The following INPP5D variants were observed in gnomAD, a reference collection of about 807,000 sequenced individuals.
The protein encoded by INPP5D is phosphatidylinositol 3,4,5-trisphosphate 5-phosphatase 1.
Under a neutral mutation model 122.9 loss-of-function variants are expected in INPP5D, and 33 were observed. The observed-to-expected ratio is 0.27, with a 90% CI of 0.20 to 0.36. The LOEUF (loss-of-function observed/expected upper bound fraction) is 0.36, where lower values mean the gene tolerates loss of function less well. INPP5D is among the 10% of genes least tolerant of loss of function. INPP5D has a pLI of 1.00. For synonymous variants in INPP5D, 584 were observed against 576.2 expected (o/e 1.01, Z -0.19); for missense variants, 1,053 against 1,412.7 (o/e 0.75, Z 4.08).
Position 233,206,936 on chromosome 2 carries a change from C to G in INPP5D, c.*228C>G. On this transcript the variant is annotated 3_prime_UTR_variant, in exon 27 of 27. Coordinates refer to ENST00000445964, the MANE Select transcript of INPP5D (RefSeq NM_001017915.3). This position sits in a 1 kb window ranked among gnomAD's most constrained non-coding sequence, Gnocchi z 4.0. ...AAACGCACACCAGACGGGCAACAAA[C>G]AGTCTGGGTCCCCAGCTCGCTCTTG... is the stretch of plus-strand genomic sequence containing the variant. 1.9e-6 allele frequency: 1 copy of G among 525,734 alleles called. No individual in the cohort carries two copies. The highest frequency in any genetic ancestry group is 2.2e-5 in the South Asian group (1 of 45,918). The allele number at this position is 525,734 out of a possible 1,614,324, so 32.6% of individuals were successfully genotyped here.
At chr2:233,096,779 C>T (rs950925612) in intron 2 of INPP5D, among the ~76,000 whole-genome samples, 7 of 151,878 alleles carry the variant, frequency 4.6e-5, no homozygotes, top group African/African-American at 1.7e-4. Context: ...TTTAAAAACC[C>T]TTTATATGTT....
intron 9 of INPP5D, among the ~76,000 whole-genome samples, chr2:233,152,889 T>G (rs1438811586): frequency 6.6e-6 from 1 of 151,938 alleles, no homozygotes; most frequent in African/African-American, 2.4e-5. Flanking sequence ...TGATTCCACT[T>G]CAAAAAGATA....
chr2:233,198,347 G>T lies in INPP5D; in HGVS notation c.2946G>T (p.Arg982=). The T allele has an allele frequency of 1.2e-6, 2 of 1,613,544 alleles. No individual in the cohort carries two copies. Among genetic ancestry groups the T allele is most frequent in the Non-Finnish European group, 1.7e-6 (2 of 1,179,680 alleles). ...AGTTTTTACCCTCAACAGCAAACCG[G>T]GGTCTCCCTCCCAGGACACAGGAGT... ...PKKFLPSTAN[R]GLPPRTQESR... is the part of the protein sequence containing the mutation. The change falls in exon 25 of 27, where the codon CGG becomes CGT. Residue 982 remains arginine, a synonymous_variant. Transcript: ENST00000445964.
At chr2:233,150,156 A>T (rs956611913) in intron 9 of INPP5D, among the ~76,000 whole-genome samples, 1 of 152,168 alleles carries the variant, frequency 6.6e-6, no homozygotes, top group South Asian at 2.1e-4. Flanking sequence ...CTGTGTCCCC[A>T]CCCAAATCTC....
chr2:233,111,550 C>T (rs943148389), intron 2 of INPP5D, among the ~76,000 whole-genome samples: 8 of 152,106 alleles, frequency 5.3e-5, no homozygotes, highest in Non-Finnish European at 4.4e-5. Flanking sequence ...TGTCCCTGTC[C>T]CTCAATTTTG....
intron 5 of INPP5D, among the ~76,000 whole-genome samples, chr2:233,138,275 C>T (rs1322430228): frequency 1.4e-5 from 2 of 144,726 alleles, no homozygotes; most frequent in South Asian, 4.3e-4. Flanking sequence ...CCACTGCACT[C>T]CAGCCTGGGC....
chr2:233,062,809 C>G (rs905126624), intron 1 of INPP5D, among the ~76,000 whole-genome samples: 2 of 152,146 alleles, frequency 1.3e-5, no homozygotes, highest in African/African-American at 4.8e-5. Context: ...TTGCTATGGA[C>G]CTGCAGACTT....
In INPP5D at chr2:233,204,358, C is replaced by A; in HGVS notation, c.3208C>A (p.Arg1070Ser). 6.2e-7 allele frequency: 1 copy of A among 1,610,178 alleles called. No homozygotes were observed. Among genetic ancestry groups the A allele is most frequent in the East Asian group, 2.2e-5 (1 of 44,786 alleles). ...IVLTKAQEAD[R>S]GEGPGKQVPA... Reference sequence around the variant, plus strand: ...GCTCACCAAAGCCCAGGAGGCTGATCGCGGCGAGGGGCCCGGCAAGCAGGT... The same window carrying A: ...GCTCACCAAAGCCCAGGAGGCTGATAGCGGCGAGGGGCCCGGCAAGCAGGT... Residue 1070 changes from arginine to serine, a missense_variant, in exon 26 of 27, where the codon CGC becomes AGC. Transcript: ENST00000445964.
At chr2:233,063,834 C>T (rs1691138867) in intron 1 of INPP5D, among the ~76,000 whole-genome samples, 1 of 152,264 alleles carries the variant, frequency 6.6e-6, no homozygotes, top group Non-Finnish European at 1.5e-5. Flanking sequence ...CACCTGGTCC[C>T]CACTCAAATC....
At chr2:233,200,913 G>A (rs2106327947) in intron 25 of INPP5D, among the ~76,000 whole-genome samples, 1 of 151,838 alleles carries the variant, frequency 6.6e-6, no homozygotes, top group South Asian at 2.1e-4. Flanking sequence ...GTGAGCTGAG[G>A]TCATGCCACT....
chr2:233,204,995 C>T (rs929359947), intron 26 of INPP5D: 7 of 440,490 alleles, frequency 1.6e-5, no homozygotes, highest in Non-Finnish European at 2.4e-5. Flanking sequence ...AAAGGCGGGG[C>T]TGTGGATAAA....
chr2:233,106,379 T>C (rs956444392), intron 2 of INPP5D, among the ~76,000 whole-genome samples: 3 of 152,246 alleles, frequency 2.0e-5, no homozygotes, highest in African/African-American at 7.2e-5. Flanking sequence ...TCCTTTCTTA[T>C]GGCAGATTGC....
At chr2:233,175,786 G>A (rs1171267480) in intron 17 of INPP5D, among the ~76,000 whole-genome samples, 1 of 151,778 alleles carries the variant, frequency 6.6e-6, no homozygotes, top group Non-Finnish European at 1.5e-5. Context: ...GGGTTCAAGC[G>A]ATTCTCCTGC....
At chr2:233,155,037 A>G (rs138935419) in intron 9 of INPP5D, among the ~76,000 whole-genome samples, 1 of 152,188 alleles carries the variant, frequency 6.6e-6, no homozygotes, top group African/African-American at 2.4e-5. Context: ...GAGAGATCAG[A>G]TTCTACAGAT....
At position 233,206,223 on chromosome 2, in the gene INPP5D, G is replaced by A. The variant is rs1031249142; in HGVS notation, c.3568-483G>A. 3.3e-5 allele frequency among the ~76,000 whole-genome samples: 5 copies of A among 152,028 alleles called. No individual in the cohort carries two copies. Among genetic ancestry groups the A allele is most frequent in the African/African-American group, 1.2e-4 (5 of 41,382 alleles). On this transcript the variant is annotated intron_variant, in intron 26 of 26. Transcript: ENST00000445964. The surrounding 1 kb of genome is among the most constrained non-coding windows in gnomAD (Gnocchi z 4.0). ...ATAGACTTAGAAGGAGAATTGCATT[G>A]TAGGCTATTATGTATTATTACCATG...
intron 17 of INPP5D, among the ~76,000 whole-genome samples, chr2:233,173,410 C>CT (rs1010760760): frequency 6.6e-6 from 1 of 152,030 alleles, no homozygotes; most frequent in African/African-American, 2.4e-5. Flanking sequence ...TTTAAATTTT[C>CT]TTTTTCCAAT....
At chr2:233,129,823 T>C (rs184152752) in intron 4 of INPP5D, among the ~76,000 whole-genome samples, 1 of 152,202 alleles carries the variant, frequency 6.6e-6, no homozygotes, top group Non-Finnish European at 1.5e-5. Context: ...ATCCTATCTT[T>C]ATAAGTAGAT....
intron 21 of INPP5D, among the ~76,000 whole-genome samples, chr2:233,187,195 A>G (rs928212669): frequency 2.0e-5 from 3 of 151,736 alleles, no homozygotes; most frequent in Admixed American, 6.6e-5. Context: ...TTTTTTGTTC[A>G]TTTGTTTTTC....
At chr2:233,151,922 T>G (rs1476726914) in intron 9 of INPP5D, among the ~76,000 whole-genome samples, 1 of 152,248 alleles carries the variant, frequency 6.6e-6, no homozygotes, top group Non-Finnish European at 1.5e-5. Flanking sequence ...AATGAATCTA[T>G]GCATGAGTGA....
Sources: gnomAD v4.1 joint callset for allele counts (sites outside exome capture counted in the v4.1 genomes callset) on GRCh38, gnomAD v4.1.1 for gene constraint, Gnocchi (gnomAD v3.1) non-coding constraint, MANE v1.5 for transcripts, NCBI Gene and HGNC (gene_info 2026-07-23, HGNC 2026-07-21) for gene names.